The following COL5A3 variants were observed in gnomAD, a reference collection of about 807,000 sequenced individuals.
COL5A3 encodes the protein collagen type V alpha 3 chain, also known as collagen alpha-3(V) chain.
A neutral mutation model predicts 250.0 loss-of-function variants in COL5A3; 172 were observed. That is an observed-to-expected ratio of 0.69 (90% CI 0.61 to 0.78). The LOEUF (loss-of-function observed/expected upper bound fraction) is 0.78. Ranked by LOEUF, COL5A3 falls within the 30% of genes least tolerant of loss-of-function variation. The pLI, the probability that COL5A3 is intolerant of heterozygous loss-of-function variation, is 0.00. For missense variants in COL5A3, 2,340 were observed against 2,334.4 expected (o/e 1.00, Z -0.05); for synonymous variants, 937 against 900.4 (o/e 1.04, Z -0.73).
chr19:9,969,520 G>A (rs1477683163), intron 56 of COL5A3, 55 bp downstream of exon 56: 5 of 1,596,082 alleles, frequency 3.1e-6, no homozygotes, highest in South Asian at 1.1e-5. Context: ...CAAGCTGGGA[G>A]CAGACAGAGA....
At position 9,973,555 on chromosome 19, in the gene COL5A3, C is replaced by A; in HGVS notation, c.3666+15G>T. ...CCTGAGTTGGGTGCAGGGACCACAT[C>A]ACACAGTCACTCACCGGGATGCCTG... On this transcript the variant is annotated intron_variant, in intron 50 of 66. Coordinates refer to ENST00000264828, the MANE Select transcript of COL5A3 (RefSeq NM_015719.4). 6.2e-7 allele frequency: 1 copy of A among 1,608,854 alleles called. No individual in the cohort carries two copies. Among genetic ancestry groups the A allele is most frequent in the Admixed American group, 1.7e-5 (1 of 59,634 alleles).
intron 27 of COL5A3, among the ~76,000 whole-genome samples, chr19:9,987,356 G>A (rs1458695865): frequency 6.6e-6 from 1 of 152,202 alleles, no homozygotes; most frequent in Non-Finnish European, 1.5e-5. Context: ...TTGTTCTCTA[G>A]CTTTGGCTAC....
At chr19:9,977,307 C>T (rs1191462930) in intron 43 of COL5A3, 25 bp from the exon 44 acceptor site, 1 of 1,613,870 alleles carries the variant, frequency 6.2e-7, no homozygotes, top group South Asian at 1.1e-5. Flanking sequence ...GGATGAAGGA[C>T]CCAGCTTCCA....
intron 51 of COL5A3, among the ~76,000 whole-genome samples, chr19:9,971,815 A>G (rs2086851968): frequency 6.6e-6 from 1 of 151,856 alleles, no homozygotes; most frequent in African/African-American, 2.4e-5. Flanking sequence ...CGTGAAATCA[A>G]CTTTCTTGCC....
intron 11 of COL5A3, chr19:9,997,088 A>G: frequency 1.8e-6 from 1 of 560,204 alleles, no homozygotes; most frequent in Non-Finnish European, 3.2e-6. Flanking sequence ...AGAGAGAGAC[A>G]GAAGAGAGAC....
At chr19:9,973,136 G>A in intron 50 of COL5A3, 110 bp from the exon 51 acceptor site, 1 of 944,094 alleles carries the variant, frequency 1.1e-6, no homozygotes. Context: ...TGGGGTCAGG[G>A]TTCAGAGTAG....
At chr19:9,970,792 C>T (rs1315075106) in intron 53 of COL5A3, 117 bp from the exon 54 acceptor site, 6 of 968,424 alleles carry the variant, frequency 6.2e-6, no homozygotes, top group Non-Finnish European at 8.7e-6. Context: ...GCACCGGGTA[C>T]TCCCACCTCC....
At position 10,010,307 on chromosome 19, in the gene COL5A3, T is replaced by C. The variant is rs2087511875; in HGVS notation, c.79A>G (p.Thr27Ala). 6.9e-7 allele frequency: 1 copy of C among 1,450,420 alleles called. No homozygotes were observed. The highest frequency in any genetic ancestry group is 9.1e-7 in the Non-Finnish European group (1 of 1,096,086). 89.8% of individuals were successfully genotyped at this position (1,450,420 alleles called of 1,614,324 possible). A position where few individuals can be genotyped will look rare whatever the true frequency, so the allele number is the denominator to read the frequency against. Residue 27 changes from threonine to alanine, a missense_variant, in exon 1 of 67, where the codon ACG (threonine) becomes GCG (alanine). Physicochemically the swap from Thr to Ala is moderately conservative, Grantham distance 58. Around this residue, in one of 3 missense-constraint regions of COL5A3, gnomAD observed 1,152 missense variants for 1,146.3 expected, o/e 1.00. Coordinates refer to ENST00000264828, the MANE Select transcript of COL5A3 (RefSeq NM_015719.4). ...TTCCCTCCCGGCTCACCGGCCTGCG[T>C]CCCCGGCAGAAGCTGCAGCGCGGCC... ...LLAALQLLPGTQADPVDVLKA... is the reference protein window; with the variant it reads ...LLAALQLLPGAQADPVDVLKA...
chr19:9,989,380 A>G lies in COL5A3; in HGVS notation c.2047-14T>C, dbSNP rs774370840. 2 of 1,614,104 alleles carry G rather than the reference A, an allele frequency of 1.2e-6. No individual in the cohort carries two copies. Among genetic ancestry groups the G allele is most frequent in the Admixed American group, 1.7e-5 (1 of 60,006 alleles). On this transcript the variant is annotated splice_polypyrimidine_tract_variant and intron_variant, in intron 25 of 66. Transcript: ENST00000264828. Reference sequence around the variant, plus strand: ...TCCTGGGTGACCCTGGGGAAGAAACATTCTCAGTTGTCAGAGACCAAAACT... The same window carrying G: ...TCCTGGGTGACCCTGGGGAAGAAACGTTCTCAGTTGTCAGAGACCAAAACT...
intron 61 of COL5A3, 143 bp downstream of exon 61, chr19:9,967,761 C>A: frequency 1.3e-6 from 1 of 783,410 alleles, no homozygotes. Context: ...TGAAATACAA[C>A]CGTAGGTGTT....
In COL5A3 at chr19:9,972,902, T is replaced by C. The variant is rs1456821505; in HGVS notation, c.3774+17A>G. 3.9e-6 allele frequency: 6 copies of C among 1,550,436 alleles called. No homozygotes were observed. In the African/African-American group the frequency reaches 8.3e-5, roughly 21 times the overall value. Reference sequence around the variant, plus strand: ...TGCCCCCTCCCATGTCTGCCCCCACTTCCCCCCAGGACTCACCACGCTCCC... The same window carrying C: ...TGCCCCCTCCCATGTCTGCCCCCACCTCCCCCCAGGACTCACCACGCTCCC... On this transcript the variant is annotated intron_variant, in intron 51 of 66. Coordinates refer to ENST00000264828, the MANE Select transcript of COL5A3 (RefSeq NM_015719.4).
intron 27 of COL5A3, 102 bp from the exon 28 acceptor site, chr19:9,986,860 G>T (rs8113693): frequency 0.35 from 457,345 of 1,305,642 alleles, 85,855 homozygotes; most frequent in African/African-American, 0.69. Context: ...CCCAAGAGGA[G>T]GCTAGGCAGA....
At chr19:9,961,774 G>A (rs1444754770) in intron 65 of COL5A3, among the ~76,000 whole-genome samples, 1 of 152,026 alleles carries the variant, frequency 6.6e-6, no homozygotes, top group Non-Finnish European at 1.5e-5. Context: ...TAGCCAGGAT[G>A]GTCTCGATCT....
At chr19:10,006,298 C>T (rs1269218651) in intron 1 of COL5A3, 67 bp from the exon 2 acceptor site, 1 of 1,442,848 alleles carries the variant, frequency 6.9e-7, no homozygotes, top group Non-Finnish European at 9.2e-7. Context: ...CCCAGGACTC[C>T]AGGATAGAGG....
rs1020911336 is a variant in COL5A3, at chr19:10,009,332, C to G, written c.88+966G>C. 1.1e-4 allele frequency among the ~76,000 whole-genome samples: 16 copies of G among 152,116 alleles called. No homozygotes were observed. The highest frequency in any genetic ancestry group is 3.9e-4 in the African/African-American group (16 of 41,418). On this transcript the variant is annotated intron_variant, in intron 1 of 66. Coordinates refer to ENST00000264828, the MANE Select transcript of COL5A3 (RefSeq NM_015719.4). The surrounding 1 kb of genome is among the most constrained non-coding windows in gnomAD (Gnocchi z 4.4). The stretch of plus-strand genomic sequence containing the variant: ...ATCCCCTGACTCCCGAAGCGCCCCC[C>G]ACTCTGAACCCTGAGGGGCGGGACA...
intron 65 of COL5A3, among the ~76,000 whole-genome samples, chr19:9,962,528 C>T (rs1395585239): frequency 6.6e-6 from 1 of 152,152 alleles, no homozygotes; most frequent in Non-Finnish European, 1.5e-5. Flanking sequence ...ATTCTTTAGG[C>T]TTCAGATGAG....
At chr19:9,962,680 C>T in intron 65 of COL5A3, 139 bp downstream of exon 65, 1 of 615,740 alleles carries the variant, frequency 1.6e-6, no homozygotes, top group Non-Finnish European at 2.9e-6. Context: ...GCTGCCACCC[C>T]ACCTCCAGCT....
intron 50 of COL5A3, 75 bp from the exon 51 acceptor site, chr19:9,973,101 G>C: frequency 7.4e-7 from 1 of 1,351,772 alleles, no homozygotes; most frequent in Non-Finnish European, 1.0e-6. Flanking sequence ...TTGGATTCAG[G>C]CATTGGGGTG....
At position 9,972,957 on chromosome 19, in the gene COL5A3, T is replaced by C; in HGVS notation, c.3736A>G (p.Lys1246Glu). ...PSGAAGPPGK[K>E]GPPGEDGAKG... The stretch of plus-strand genomic sequence containing the variant: ...GCTCCATCCTCTCCAGGGGGACCTT[T>C]CTTGCCTGGGGGTCCAGCAGCTCCA... Residue 1246 changes from lysine to glutamate, a missense_variant, in exon 51 of 67, where the codon AAA becomes GAA. Around this residue, in one of 3 missense-constraint regions of COL5A3, gnomAD observed 1,179 missense variants for 1,162.6 expected, o/e 1.01. Coordinates refer to ENST00000264828, the MANE Select transcript of COL5A3 (RefSeq NM_015719.4). 3 of 1,611,846 alleles carry C rather than the reference T, an allele frequency of 1.9e-6. No homozygotes were observed. Among genetic ancestry groups the C allele is most frequent in the Non-Finnish European group, 2.5e-6 (3 of 1,179,152 alleles).
Sources: gnomAD v4.1 joint callset for allele counts (sites outside exome capture counted in the v4.1 genomes callset) on GRCh38, gnomAD v4.1.1 for gene constraint, gnomAD v4.1.1 regional missense constraint, Gnocchi (gnomAD v3.1) non-coding constraint, MANE v1.5 for transcripts, NCBI Gene and HGNC (gene_info 2026-07-23, HGNC 2026-07-21) for gene names.